CNNM4: variants seen among roughly 807,000 people sequenced by gnomAD.
The protein encoded by CNNM4 is cyclin and CBS domain divalent metal cation transport mediator 4.
In CNNM4, 32 loss-of-function variants were observed where a neutral mutation model predicts 53.7. That is an observed-to-expected ratio of 0.60 (90% CI 0.45 to 0.80). The LOEUF is 0.80. Among genes scored for constraint, CNNM4 ranks in the 30% least tolerant of loss-of-function variants. The pLI is 0.00. For synonymous variants in CNNM4, 410 were observed against 440.0 expected (o/e 0.93, Z 0.85); for missense variants, 784 against 1,022.0 (o/e 0.77, Z 3.17).
At chr2:96,776,954 A>G (rs1232997929) in intron 1 of CNNM4, among the ~76,000 whole-genome samples, 1 of 151,144 alleles carries the variant, frequency 6.6e-6, no homozygotes, top group Non-Finnish European at 1.5e-5. Flanking sequence ...GAATTATGAT[A>G]TTGAGCACAT....
intron 1 of CNNM4, among the ~76,000 whole-genome samples, chr2:96,795,430 G>A (rs1203151072): frequency 6.6e-6 from 1 of 152,176 alleles, no homozygotes; most frequent in Admixed American, 6.5e-5. Flanking sequence ...AACCTGTAGT[G>A]GGAAATACAT....
At chr2:96,770,273 C>T (rs2078857062) in intron 1 of CNNM4, among the ~76,000 whole-genome samples, 1 of 152,200 alleles carries the variant, frequency 6.6e-6, no homozygotes, top group Non-Finnish European at 1.5e-5. Flanking sequence ...ACTAGGAAAT[C>T]CCGCTCCAGT....
rs2079240175 is a variant in CNNM4, at chr2:96,809,596, C to T, written c.*79C>T. Reference sequence around the variant, plus strand: ...ACATGAAGAGAGGGAACCTGTTAGTCCAGAAAGGATACGGATAGATAGCCT... The same window carrying T: ...ACATGAAGAGAGGGAACCTGTTAGTTCAGAAAGGATACGGATAGATAGCCT... On this transcript the variant is annotated 3_prime_UTR_variant, in exon 7 of 7. Transcript: ENST00000377075. 3.1e-6 allele frequency: 4 copies of T among 1,292,436 alleles called. No individual in the cohort carries two copies. Among genetic ancestry groups the T allele is most frequent in the Non-Finnish European group, 4.5e-6 (4 of 898,112 alleles). The allele number at this position is 1,292,436 out of a possible 1,614,324, so 80.1% of individuals were successfully genotyped here. A position where few individuals can be genotyped will look rare whatever the true frequency, so the allele number is the denominator to read the frequency against.
In CNNM4 at chr2:96,799,236, C is replaced by T. The variant is rs201420018; in HGVS notation, c.1851+10C>T. ...CATCCTCATCCTGCAGGTGAGCCCGCTCAGCCCTGGGCCTGCCACCTGCTC... is the reference window on the plus strand; with the variant it reads ...CATCCTCATCCTGCAGGTGAGCCCGTTCAGCCCTGGGCCTGCCACCTGCTC... On this transcript the variant is annotated intron_variant, in intron 4 of 6. Transcript: ENST00000377075. 6 of 1,614,170 alleles carry T rather than the reference C, an allele frequency of 3.7e-6. No homozygotes were observed. Among genetic ancestry groups the T allele is most frequent in the Middle Eastern group, 1.7e-4 (1 of 6,058 alleles).
intron 1 of CNNM4, among the ~76,000 whole-genome samples, chr2:96,794,569 C>A (rs1468044052): frequency 6.6e-6 from 1 of 152,138 alleles, no homozygotes; most frequent in East Asian, 1.9e-4. Context: ...GTAGCTGTGG[C>A]CCCTTTTGAG....
intron 5 of CNNM4, among the ~76,000 whole-genome samples, chr2:96,802,530 G>A (rs1308667871): frequency 6.6e-6 from 1 of 152,274 alleles, no homozygotes; most frequent in Non-Finnish European, 1.5e-5. Context: ...CCCCGGGTCA[G>A]ACTGCCTAGT....
rs1489069537 is a variant in CNNM4 at position 96,808,879 on chromosome 2, C to G, written c.2130+137C>G. On this transcript the variant is annotated intron_variant, in intron 6 of 6. Transcript: ENST00000377075. This position sits in a 1 kb window ranked among gnomAD's most constrained non-coding sequence, Gnocchi z 4.9. ...TTCTGGAGATGGGGTCTTGCTCTGT[C>G]GCCCAGGCTGGAATGCAGTGGTGTG... is the stretch of plus-strand genomic sequence containing the variant. The G allele has an allele frequency of 2.2e-6, 2 of 905,330 alleles. No homozygotes were observed. Among genetic ancestry groups the G allele is most frequent in the Admixed American group, 4.0e-5 (2 of 49,586 alleles). The allele number at this position is 905,330 out of a possible 1,614,324, so 56.1% of individuals were successfully genotyped here.
At chr2:96,769,533 C>T (rs1323008018) in intron 1 of CNNM4, among the ~76,000 whole-genome samples, 1 of 149,148 alleles carries the variant, frequency 6.7e-6, no homozygotes, top group Non-Finnish European at 1.5e-5. Context: ...CATTGCACTC[C>T]AGCCTGGGTG....
At chr2:96,804,664 G>A (rs991624226) in intron 5 of CNNM4, among the ~76,000 whole-genome samples, 9 of 151,712 alleles carry the variant, frequency 5.9e-5, no homozygotes, top group South Asian at 2.1e-4. Context: ...GCCTCCCAAC[G>A]TGCTGGGATT....
intron 1 of CNNM4, among the ~76,000 whole-genome samples, chr2:96,779,334 C>A (rs1438003457): frequency 6.6e-6 from 1 of 152,054 alleles, no homozygotes; most frequent in South Asian, 2.1e-4. Flanking sequence ...CATGGTGAAA[C>A]CCTGTCTCTA....
At chr2:96,780,752 T>G (rs898019057) in intron 1 of CNNM4, among the ~76,000 whole-genome samples, 23 of 152,098 alleles carry the variant, frequency 1.5e-4, no homozygotes, top group Admixed American at 4.6e-4. Flanking sequence ...TTGTTTGTTT[T>G]TTTGAGATGG....
intron 1 of CNNM4, among the ~76,000 whole-genome samples, chr2:96,796,225 A>G (rs1574077515): frequency 7.3e-6 from 1 of 136,258 alleles, no homozygotes; most frequent in East Asian, 2.1e-4. Context: ...GCTCACTGCA[A>G]CCTCTGCCTC....
chr2:96,765,024 G>GTTTTTT lies in CNNM4; in HGVS notation c.1402+2660_1402+2665dup, dbSNP rs1158502593. On this transcript the variant is annotated intron_variant, in intron 1 of 6. Coordinates refer to ENST00000377075, the MANE Select transcript of CNNM4 (RefSeq NM_020184.4). ...GTTTAGGAGTCTGGTGTTGGGAATG[G>GTTTTTT]TTTTTTTTTTTTTTTTTTTTTTTTT... 6.5e-4 allele frequency among the ~76,000 whole-genome samples: 27 copies of GTTTTTT among 41,556 alleles called. 5 individuals carry two copies. The highest frequency in any genetic ancestry group is 1.3e-3 in the Admixed American group (3 of 2,370). 27.3% of individuals were successfully genotyped at this position (41,556 alleles called of 152,430 possible).
At position 96,803,290 on chromosome 2, in the gene CNNM4, C is replaced by T. The variant is rs139871582; in HGVS notation, c.1948+3642C>T. On this transcript the variant is annotated intron_variant, in intron 5 of 6. Transcript: ENST00000377075. The stretch of plus-strand genomic sequence containing the variant: ...CCTCATTGATTAATTCTCCACTTTA[C>T]GCTTTATGCATATTCATGGGGGTCT... Among the ~76,000 whole-genome samples, 325 of 152,230 alleles carry T rather than the reference C, an allele frequency of 2.1e-3. 2 individuals are homozygous for T. Among genetic ancestry groups the T allele is most frequent in the African/African-American group, 7.5e-3 (313 of 41,520 alleles).
In CNNM4 at chr2:96,808,377, C is replaced by G. The variant is rs2079227190; in HGVS notation, c.1949-184C>G. 6.6e-6 allele frequency among the ~76,000 whole-genome samples: 1 copy of G among 152,202 alleles called. No individual in the cohort carries two copies. Among genetic ancestry groups the G allele is most frequent in the Admixed American group, 6.5e-5 (1 of 15,278 alleles). On this transcript the variant is annotated intron_variant, in intron 5 of 6. Coordinates refer to ENST00000377075, the MANE Select transcript of CNNM4 (RefSeq NM_020184.4). The surrounding 1 kb of genome is among the most constrained non-coding windows in gnomAD (Gnocchi z 4.9). ...CACAATAGTTCTAAACAAACTAATTCATTTGCTTTAACGAAGTCAGACCTT... is the reference window on the plus strand; with the variant it reads ...CACAATAGTTCTAAACAAACTAATTGATTTGCTTTAACGAAGTCAGACCTT...
In CNNM4 at chr2:96,761,076, T is replaced by G. The variant is rs1248946980; in HGVS notation, c.77T>G (p.Leu26Arg). Reference protein sequence around the residue: ...RGRLLLAAPVLLVLLWALGAR... With the variant: ...RGRLLLAAPVRLVLLWALGAR... ...CGCCTCCTCCTGGCGGCGCCGGTGC[T>G]GCTGGTGCTGCTGTGGGCGCTGGGG... is the stretch of plus-strand genomic sequence containing the variant. Residue 26 changes from leucine to arginine, a missense_variant, in exon 1 of 7, where the codon CTG becomes CGG. Physicochemically the swap from Leu to Arg is moderately radical, Grantham distance 102. Around this residue, in one of 3 missense-constraint regions of CNNM4, gnomAD observed 473 missense variants for 624.6 expected, o/e 0.76. Transcript: ENST00000377075. The surrounding 1 kb of genome is among the most constrained non-coding windows in gnomAD (Gnocchi z 6.0). 4 of 1,344,292 alleles carry G rather than the reference T, an allele frequency of 3.0e-6. No individual in the cohort carries two copies. The African/African-American group carries it at 4.5e-5, about 15-fold the overall frequency. The allele number at this position is 1,344,292 out of a possible 1,614,324, so 83.3% of individuals were successfully genotyped here. A position where few individuals can be genotyped will look rare whatever the true frequency, so the allele number is the denominator to read the frequency against.
rs796494842 is a variant in CNNM4 at position 96,796,131 on chromosome 2, C to CTTTTTTT, written c.1403-856_1403-850dup. ...CCTGATAAGTGATACCAGACAGGGTCTTTTTTTTTTTTTTTTTTTTTTTTT... is the reference window on the plus strand; with the variant it reads ...CCTGATAAGTGATACCAGACAGGGTCTTTTTTTTTTTTTTTTTTTTTTTTTTTTTTTT... On this transcript the variant is annotated intron_variant, in intron 1 of 6. Coordinates refer to ENST00000377075, the MANE Select transcript of CNNM4 (RefSeq NM_020184.4). 6.7e-4 allele frequency among the ~76,000 whole-genome samples: 34 copies of CTTTTTTT among 50,686 alleles called. 2 individuals carry two copies. The highest frequency in any genetic ancestry group is 9.4e-4 in the Non-Finnish European group (25 of 26,560). The allele number at this position is 50,686 out of a possible 152,430, so 33.3% of individuals were successfully genotyped here.
At chr2:96,794,753 T>A (rs1423996244) in intron 1 of CNNM4, among the ~76,000 whole-genome samples, 1 of 152,136 alleles carries the variant, frequency 6.6e-6, no homozygotes, top group Non-Finnish European at 1.5e-5. Context: ...TTTTGTGACA[T>A]CCTGACCAAC....
intron 1 of CNNM4, among the ~76,000 whole-genome samples, chr2:96,776,035 T>TC (rs2078921133): frequency 1.3e-5 from 2 of 149,614 alleles, no homozygotes; most frequent in South Asian, 4.3e-4. Flanking sequence ...TGGTTTTTTT[T>TC]TTTTTTTTTT....
Sources: gnomAD v4.1 joint callset for allele counts (sites outside exome capture counted in the v4.1 genomes callset) on GRCh38, gnomAD v4.1.1 for gene constraint, gnomAD v4.1.1 regional missense constraint, Gnocchi (gnomAD v3.1) non-coding constraint, MANE v1.5 for transcripts, NCBI Gene and HGNC (gene_info 2026-07-23, HGNC 2026-07-21) for gene names.